The following PIK3AP1 variants were observed in gnomAD, a reference collection of about 807,000 sequenced individuals.
The protein encoded by PIK3AP1 is phosphoinositide 3-kinase adapter protein 1.
PIK3AP1 carries 21 observed loss-of-function variants against 88.1 expected under a neutral mutation model. The observed-to-expected ratio is 0.24, with a 90% CI of 0.17 to 0.34. The LOEUF is 0.34. PIK3AP1 is among the 10% of genes least tolerant of loss of function. The pLI is 1.00. For synonymous variants in PIK3AP1, 398 were observed against 400.0 expected, an observed-to-expected ratio of 1.00 and a Z score of 0.06; for missense variants, 828 against 1,035.7, an observed-to-expected ratio of 0.80 and a Z score of 2.75.
rs763711130 is a variant in PIK3AP1, at chr10:96,645,462, G to A, written c.1375+11C>T. ...AGAAAGGTGGAAGCAGAACTGGGTT[G>A]TGCTACTTACAGAGGTCTTCAGTGG... On this transcript the variant is annotated intron_variant, in intron 8 of 16. Coordinates refer to ENST00000339364, the MANE Select transcript of PIK3AP1 (RefSeq NM_152309.3). 1 of 1,611,226 alleles carries A rather than the reference G, an allele frequency of 6.2e-7. No individual in the cohort carries two copies. The highest frequency in any genetic ancestry group is 1.1e-5 in the South Asian group (1 of 90,710).
At chr10:96,657,540 T>C (rs948206354) in intron 2 of PIK3AP1, among the ~76,000 whole-genome samples, 3 of 152,014 alleles carry the variant, frequency 2.0e-5, no homozygotes, top group African/African-American at 7.2e-5. Flanking sequence ...GGTGTGCAAA[T>C]GTGTGTGGTA....
At chr10:96,658,379 A>G (rs1008185477) in intron 2 of PIK3AP1, among the ~76,000 whole-genome samples, 3 of 152,120 alleles carry the variant, frequency 2.0e-5, no homozygotes, top group Admixed American at 2.0e-4. Context: ...AGCTGCTGAT[A>G]GGCACCCTGG....
chr10:96,652,093 A>G (rs1238581225), intron 4 of PIK3AP1, among the ~76,000 whole-genome samples: 1 of 151,880 alleles, frequency 6.6e-6, no homozygotes, highest in Non-Finnish European at 1.5e-5. Context: ...TGTCATGACT[A>G]CGCACTCTCC....
At chr10:96,606,530 G>A (rs1849004997) in intron 14 of PIK3AP1, among the ~76,000 whole-genome samples, 1 of 152,156 alleles carries the variant, frequency 6.6e-6, no homozygotes, top group Admixed American at 6.5e-5. Flanking sequence ...CTGAACCTTG[G>A]CCCTGGCCCT....
chr10:96,649,407 G>A (rs898160911), intron 6 of PIK3AP1, among the ~76,000 whole-genome samples: 2 of 152,184 alleles, frequency 1.3e-5, no homozygotes, highest in African/African-American at 4.8e-5. Context: ...TAACAGGACT[G>A]GAGAATCCTG....
intron 16 of PIK3AP1, among the ~76,000 whole-genome samples, chr10:96,595,929 T>C (rs1205561550): frequency 6.6e-6 from 1 of 152,182 alleles, no homozygotes; most frequent in Non-Finnish European, 1.5e-5. Flanking sequence ...TTTGAATAGT[T>C]TCCCTCCCCA....
chr10:96,640,768 C>T (rs554782589), intron 8 of PIK3AP1, among the ~76,000 whole-genome samples: 1 of 152,026 alleles, frequency 6.6e-6, no homozygotes, highest in Admixed American at 6.5e-5. Flanking sequence ...AGCGATTCTC[C>T]CACCAGAGCC....
intron 10 of PIK3AP1, among the ~76,000 whole-genome samples, chr10:96,624,059 G>A (rs567083011): frequency 2.6e-5 from 4 of 152,214 alleles, no homozygotes; most frequent in Non-Finnish European, 5.9e-5. Context: ...GGTGATTATG[G>A]CTCCCTGGGC....
chr10:96,622,055 C>T (rs1412221839), intron 11 of PIK3AP1, among the ~76,000 whole-genome samples: 1 of 152,228 alleles, frequency 6.6e-6, no homozygotes, highest in African/African-American at 2.4e-5. Flanking sequence ...CTTAGCCCCA[C>T]TCTCATCCCT....
intron 8 of PIK3AP1, 96 bp from the exon 9 acceptor site, chr10:96,628,589 A>C (rs1469723321): frequency 1.0e-6 from 1 of 987,444 alleles, no homozygotes; most frequent in Non-Finnish European, 1.6e-6. Context: ...AACTCTCTTA[A>C]GAGATTCAAG....
At chr10:96,624,485 C>T (rs756215545) in intron 10 of PIK3AP1, among the ~76,000 whole-genome samples, 7 of 152,030 alleles carry the variant, frequency 4.6e-5, no homozygotes, top group East Asian at 3.9e-4. Flanking sequence ...TTAATCTATA[C>T]GTGTATTATT....
chr10:96,635,350 A>T (rs1843298581), intron 8 of PIK3AP1, among the ~76,000 whole-genome samples: 1 of 152,192 alleles, frequency 6.6e-6, no homozygotes, highest in Admixed American at 6.5e-5. Flanking sequence ...CCTTGTTCTG[A>T]TATAGACATT....
Position 96,720,033 on chromosome 10 carries a change from G to A in PIK3AP1, c.13+349C>T, listed in dbSNP as rs1844550854. 6.6e-6 allele frequency among the ~76,000 whole-genome samples: 1 copy of A among 152,150 alleles called. No homozygotes were observed. Among genetic ancestry groups the A allele is most frequent in the Non-Finnish European group, 1.5e-5 (1 of 68,026 alleles). ...GCCCTGTAGACCATCCACATCGCCC[G>A]CCCTCCGCTTCTCTCAACTCGCCTC... is the stretch of plus-strand genomic sequence containing the variant. On this transcript the variant is annotated intron_variant, in intron 1 of 16. Transcript: ENST00000339364. This position sits in a 1 kb window ranked among gnomAD's most constrained non-coding sequence, Gnocchi z 4.6.
At chr10:96,641,535 T>G (rs1267758514) in intron 8 of PIK3AP1, among the ~76,000 whole-genome samples, 1 of 152,198 alleles carries the variant, frequency 6.6e-6, no homozygotes, top group African/African-American at 2.4e-5. Context: ...GGGGCACTGA[T>G]AAACGTGGCA....
intron 2 of PIK3AP1, among the ~76,000 whole-genome samples, chr10:96,706,655 G>T (rs927001128): frequency 1.3e-5 from 2 of 152,220 alleles, no homozygotes; most frequent in Admixed American, 6.5e-5. Flanking sequence ...GAGGCAAAAT[G>T]ACTTGCTCAG....
intron 3 of PIK3AP1, 132 bp from the exon 4 acceptor site, chr10:96,652,974 G>T: frequency 2.0e-6 from 2 of 1,018,216 alleles, no homozygotes; most frequent in Non-Finnish European, 2.9e-6. Flanking sequence ...TGGACTCAGT[G>T]GTCCAGTGCT....
intron 15 of PIK3AP1, among the ~76,000 whole-genome samples, chr10:96,603,132 T>TTTCC (rs1848933246): frequency 6.6e-6 from 1 of 152,328 alleles, no homozygotes; most frequent in Admixed American, 6.5e-5. Context: ...CAGCTGTCTA[T>TTTCC]TTCCTTCCTT....
intron 2 of PIK3AP1, among the ~76,000 whole-genome samples, chr10:96,684,708 C>G (rs1185740566): frequency 6.6e-6 from 1 of 152,164 alleles, no homozygotes; most frequent in Non-Finnish European, 1.5e-5. Flanking sequence ...AGAATGGGTA[C>G]CTTCCAAATG....
At chr10:96,711,472 G>A (rs1162741936) in intron 1 of PIK3AP1, among the ~76,000 whole-genome samples, 1 of 152,230 alleles carries the variant, frequency 6.6e-6, no homozygotes, top group Non-Finnish European at 1.5e-5. Flanking sequence ...CTCAGAGAAG[G>A]AAGCTGGTCA....
Sources: gnomAD v4.1 joint callset for allele counts (sites outside exome capture counted in the v4.1 genomes callset) on GRCh38, gnomAD v4.1.1 for gene constraint, Gnocchi (gnomAD v3.1) non-coding constraint, MANE v1.5 for transcripts, NCBI Gene and HGNC (gene_info 2026-07-23, HGNC 2026-07-21) for gene names.